Variants in SIK2 observed in about 807,000 individuals in gnomAD.
SIK2 encodes the protein salt inducible kinase 2.
Under a neutral mutation model 103.2 loss-of-function variants are expected in SIK2, and 29 were observed. The ratio of observed to expected loss-of-function variants is 0.28; its 90% CI spans 0.21 to 0.38. SIK2 has a LOEUF of 0.38. Ranked by LOEUF, SIK2 falls within the 10% of genes least tolerant of loss-of-function variation. The pLI is 1.00. For missense variants in SIK2, 879 were observed against 1,171.0 expected (o/e 0.75, Z 3.64); for synonymous variants, 412 against 446.1 (o/e 0.92, Z 0.96).
intron 3 of SIK2, chr11:111,683,436 A>G (rs1942803468): frequency 6.6e-6 from 1 of 151,814 alleles, no homozygotes; most frequent in South Asian, 2.1e-4. Context: ...TTTTATTTTT[A>G]TTATTTATTT....
At chr11:111,697,559 A>G (rs1164358370) in intron 4 of SIK2, among the ~76,000 whole-genome samples, 3 of 152,148 alleles carry the variant, frequency 2.0e-5, no homozygotes, top group African/African-American at 7.2e-5. Flanking sequence ...TGTTGTCCCT[A>G]TTTTTCAAAT....
rs147259227 is a variant in SIK2, at chr11:111,630,642, A to G, written c.316+10240A>G. Among the ~76,000 whole-genome samples the G allele has an allele frequency of 1.8e-3, 276 of 152,296 alleles. 3 individuals are homozygous for G. Among genetic ancestry groups the G allele is most frequent in the African/African-American group, 6.4e-3 (266 of 41,574 alleles). ...TATGCCTTTTATTAGAAGCAGGTGG[A>G]AGAAAGGAATTGATGGAGTAGAAGA... is the stretch of plus-strand genomic sequence containing the variant. On this transcript the variant is annotated intron_variant, in intron 3 of 14. Transcript: ENST00000304987.
At chr11:111,707,078 G>T (rs1943369743) in intron 8 of SIK2, among the ~76,000 whole-genome samples, 1 of 152,086 alleles carries the variant, frequency 6.6e-6, no homozygotes, top group Admixed American at 6.5e-5. Flanking sequence ...AAGTTGAATG[G>T]TATTGCTTTC....
At chr11:111,662,387 A>G (rs909569164) in intron 3 of SIK2, among the ~76,000 whole-genome samples, 1 of 152,134 alleles carries the variant, frequency 6.6e-6, no homozygotes, top group African/African-American at 2.4e-5. Context: ...TAAGCGAGGG[A>G]AAAAAACAGT....
At chr11:111,651,921 T>A (rs945115025) in intron 3 of SIK2, among the ~76,000 whole-genome samples, 4 of 152,206 alleles carry the variant, frequency 2.6e-5, no homozygotes, top group Non-Finnish European at 5.9e-5. Flanking sequence ...TGGAAGTCAT[T>A]TGCTACTCCA....
At chr11:111,662,357 C>T (rs2135872288) in intron 3 of SIK2, among the ~76,000 whole-genome samples, 1 of 152,296 alleles carries the variant, frequency 6.6e-6, no homozygotes. Flanking sequence ...AGTTCAAAAT[C>T]CTTGTCCACA....
intron 14 of SIK2, 101 bp from the exon 15 acceptor site, chr11:111,723,395 T>A: frequency 1.5e-6 from 2 of 1,301,782 alleles, no homozygotes; most frequent in Non-Finnish European, 2.1e-6. Context: ...TGAGAGAGAC[T>A]TAAGTAGAAG....
At chr11:111,680,282 C>T (rs1942760626) in intron 3 of SIK2, among the ~76,000 whole-genome samples, 1 of 152,022 alleles carries the variant, frequency 6.6e-6, no homozygotes, top group African/African-American at 2.4e-5. Flanking sequence ...GTTTTGATTA[C>T]CTTATTGGAG....
In SIK2 at chr11:111,730,157, G is replaced by A. The variant is rs1944139006; in HGVS notation, c.*6028G>A. On this transcript the variant is annotated 3_prime_UTR_variant, in exon 15 of 15. Transcript: ENST00000304987. ...TTTGACTTAATACTCTGTCTTTTCA[G>A]AGGCAAAGTGGGTGGGTAGAGGGGA... is the stretch of plus-strand genomic sequence containing the variant. 6.6e-6 allele frequency: 1 copy of A among 152,226 alleles called. No individual in the cohort carries two copies. Among genetic ancestry groups the A allele is most frequent in the African/African-American group, 2.4e-5 (1 of 41,462 alleles). 9.4% of individuals were successfully genotyped at this position (152,226 alleles called of 1,614,324 possible).
intron 3 of SIK2, among the ~76,000 whole-genome samples, chr11:111,660,204 C>T (rs776108048): frequency 1.3e-5 from 2 of 151,932 alleles, no homozygotes; most frequent in South Asian, 2.1e-4. Context: ...TGCCCTGAGA[C>T]GAAATCAGGC....
At chr11:111,616,392 TC>T in intron 2 of SIK2, 33 bp downstream of exon 2, 1 of 1,144,898 alleles carries the variant, frequency 8.7e-7, no homozygotes, top group South Asian at 1.3e-5. Context: ...CTCCATTCAT[TC>T]CACAAGATAG....
Position 111,719,884 on chromosome 11 carries a change from A to G in SIK2, c.1376A>G (p.Glu459Gly), listed in dbSNP as rs374699975. Residue 459 changes from glutamate to glycine, a missense_variant, in exon 10 of 15, where the codon GAA becomes GGA. Physicochemically the swap from Glu to Gly is moderately conservative, Grantham distance 98. Transcript: ENST00000304987. ...TCCATTGACGAAGGGCTGGAGACAG[A>G]AGGAGAGGCCGAGGAAGACCCCGCT... Reference protein sequence around the residue: ...ETSIDEGLETEGEAEEDPAHA... With the variant: ...ETSIDEGLETGGEAEEDPAHA... 4.3e-6 allele frequency: 7 copies of G among 1,614,026 alleles called. No individual in the cohort carries two copies. In the African/African-American group the frequency reaches 8.0e-5, roughly 18 times the overall value.
chr11:111,658,306 G>A (rs1037334701), intron 3 of SIK2, among the ~76,000 whole-genome samples: 1 of 151,922 alleles, frequency 6.6e-6, no homozygotes, highest in African/African-American at 2.4e-5. Flanking sequence ...TGTATTTTTA[G>A]TAGAGACAGG....
chr11:111,661,766 G>A (rs1942470512), intron 3 of SIK2, among the ~76,000 whole-genome samples: 1 of 152,314 alleles, frequency 6.6e-6, no homozygotes, highest in South Asian at 2.1e-4. Context: ...ATGGCAGCAG[G>A]CAAGAGTGCA....
intron 4 of SIK2, among the ~76,000 whole-genome samples, chr11:111,698,329 A>G (rs1377101604): frequency 6.6e-6 from 1 of 152,246 alleles, no homozygotes; most frequent in Non-Finnish European, 1.5e-5. Flanking sequence ...GCCTAAGGCA[A>G]TAAAGAGGCC....
chr11:111,605,684 C>T (rs944497704), intron 1 of SIK2, among the ~76,000 whole-genome samples: 2 of 152,092 alleles, frequency 1.3e-5, no homozygotes, highest in Non-Finnish European at 2.9e-5. Context: ...TTATTTTTAA[C>T]TGGTTCTTCT....
chr11:111,705,060 G>A lies in SIK2; in HGVS notation c.1022G>A (p.Arg341Gln). The change falls in exon 8 of 15, where the codon CGG (arginine) becomes CAG (glutamine). Residue 341 changes from arginine (R) to glutamine (Q), a missense_variant. Arg to Gln is a conservative substitution (Grantham distance 43). Coordinates refer to ENST00000304987, the MANE Select transcript of SIK2 (RefSeq NM_015191.3). The surrounding 1 kb of genome is among the most constrained non-coding windows in gnomAD (Gnocchi z 4.3). ...TTGGTGGAGCGCCTGAAATCACATC[G>A]GAGCAGTTTCCCAGTGGAGCAGAGA... ...FLLVERLKSH[R>Q]SSFPVEQRLD... is the part of the protein sequence containing the mutation. 7 of 1,610,880 alleles carry A rather than the reference G, an allele frequency of 4.3e-6. No homozygotes were observed. The highest frequency in any genetic ancestry group is 5.9e-6 in the Non-Finnish European group (7 of 1,178,952).
At chr11:111,665,296 A>G (rs962697802) in intron 3 of SIK2, among the ~76,000 whole-genome samples, 1 of 151,332 alleles carries the variant, frequency 6.6e-6, no homozygotes, top group Non-Finnish European at 1.5e-5. Flanking sequence ...AAAAAAAAAT[A>G]CACACACACT....
intron 3 of SIK2, among the ~76,000 whole-genome samples, chr11:111,625,928 A>G (rs1941955311): frequency 1.3e-5 from 2 of 152,230 alleles, no homozygotes; most frequent in African/African-American, 4.8e-5. Flanking sequence ...TAGCTGTTAC[A>G]TGTTAGGCAT....
Sources: allele counts gnomAD v4.1 joint callset (sites outside exome capture counted in the v4.1 genomes callset), GRCh38; gene constraint gnomAD v4.1.1; non-coding constraint Gnocchi (gnomAD v3.1); transcripts MANE v1.5; gene names NCBI Gene and HGNC (gene_info 2026-07-23, HGNC 2026-07-21).